The following EPG5 variants were observed in gnomAD, a reference collection of about 807,000 sequenced individuals.
EPG5 encodes the protein ectopic P granules protein 5 homolog.
In EPG5, 159 loss-of-function variants were observed where a neutral mutation model predicts 302.7. The ratio of observed to expected loss-of-function variants is 0.53; its 90% confidence interval spans 0.46 to 0.60. EPG5 has a LOEUF of 0.60. EPG5 is among the 20% of genes least tolerant of loss of function. The pLI, the probability that EPG5 is intolerant of heterozygous loss-of-function variation, is 0.00. For synonymous variants in EPG5, 1,158 were observed against 1,136.8 expected (o/e 1.02, Z -0.37); for missense variants, 2,896 against 3,092.4 (o/e 0.94, Z 1.51).
chr18:45,837,012 ACTGTGTTTAT>A, the EPG5 span: 2 of 1,260,070 alleles, frequency 1.6e-6, no homozygotes, highest in Non-Finnish European at 1.2e-6. Flanking sequence ...CCCGGGGTTA[ACTGTGTTTAT>A]CTGTAGGCTC....
intron 1 of EPG5, among the ~76,000 whole-genome samples, chr18:45,956,352 G>C (rs559373556): frequency 6.6e-6 from 1 of 152,294 alleles, no homozygotes; most frequent in South Asian, 2.1e-4. Flanking sequence ...AGTGTATTGC[G>C]GGACCTGGAT....
chr18:45,867,228 AC>A (rs1192023450), intron 37 of EPG5, among the ~76,000 whole-genome samples: 2 of 152,110 alleles, frequency 1.3e-5, no homozygotes. Flanking sequence ...AGTATCTGGA[AC>A]CCAGGTTCTT....
In EPG5 at chr18:45,917,734, C is replaced by G. The variant is rs750942783; in HGVS notation, c.3184G>C (p.Asp1062His). 1.9e-6 allele frequency: 3 copies of G among 1,614,114 alleles called. No individual in the cohort carries two copies. In the South Asian group the frequency reaches 3.3e-5, roughly 18 times the overall value. The change falls in exon 17 of 44, where the codon GAT becomes CAT. Residue 1062 changes from aspartate (D) to histidine (H), a missense_variant. Transcript: ENST00000282041. ...RHLRTVVHVL[D>H]KILPLFYPCQ... ...GGGTAAAATAAAGGCAGAATCTTAT[C>G]CAGGACATGAACCACTGTTCTCAAA...
At position 45,865,773 on chromosome 18, in the gene EPG5, A is replaced by AT. The variant is rs2048733387; in HGVS notation, c.6622-15_6622-14insA. 6.3e-7 allele frequency: 1 copy of AT among 1,597,240 alleles called. No individual in the cohort carries two copies. Among genetic ancestry groups the AT allele is most frequent in the Non-Finnish European group, 8.5e-7 (1 of 1,175,796 alleles). ...TGGAACTGCATCCTGACCAAAAAAA[A>AT]AAAAAAAAATCATTCAAATGAATCC... On this transcript the variant is annotated splice_polypyrimidine_tract_variant and intron_variant, in intron 38 of 43. Transcript: ENST00000282041.
intron 9 of EPG5, among the ~76,000 whole-genome samples, chr18:45,942,526 C>T (rs2050692749): frequency 7.3e-6 from 1 of 136,804 alleles, no homozygotes; most frequent in Non-Finnish European, 1.6e-5. Flanking sequence ...TTGCTTGAAC[C>T]CAGGAGGCGT....
At chr18:45,885,378 G>T (rs915386731) in intron 29 of EPG5, among the ~76,000 whole-genome samples, 1 of 151,920 alleles carries the variant, frequency 6.6e-6, no homozygotes, top group Non-Finnish European at 1.5e-5. Flanking sequence ...TATACTACAA[G>T]ACTTTTAAGA....
rs1383396807 is a variant in EPG5 at position 45,889,827 on chromosome 18, T to C, written c.4923A>G (p.Glu1641=). The change falls in exon 28 of 44, where the codon GAA becomes GAG. Residue 1641 remains glutamate, a synonymous_variant. Coordinates refer to ENST00000282041, the MANE Select transcript of EPG5 (RefSeq NM_020964.3). Reference sequence around the variant, plus strand: ...TCAAGTTTTCTGCATGTACAGCAGCTTCCACAATATTAAGTGATGGTGGTT... The same window carrying C: ...TCAAGTTTTCTGCATGTACAGCAGCCTCCACAATATTAAGTGATGGTGGTT... ...AAKPPSLNIV[E]AAVHAENLIT... 5 of 1,609,870 alleles carry C rather than the reference T, an allele frequency of 3.1e-6. No individual in the cohort carries two copies. In the African/African-American group the frequency reaches 6.7e-5, roughly 22 times the overall value.
At position 45,952,545 on chromosome 18, in the gene EPG5, A is replaced by C. The variant is rs750217075; in HGVS notation, c.1107T>G (p.Asp369Glu). ...NALVELKKLF[D>E]AKSEHLHQTL... ...TCTGGTGGAGGTGCTCAGATTTGGC[A>C]TCGAATAGCTTCTTTAGCTCCACCA... The change falls in exon 3 of 44, where the codon GAT (aspartate) becomes GAG (glutamate). Residue 369 changes from aspartate (D) to glutamate (E), a missense_variant. Transcript: ENST00000282041. The C allele has an allele frequency of 3.1e-6, 5 of 1,614,070 alleles. No homozygotes were observed. Among genetic ancestry groups the C allele is most frequent in the Non-Finnish European group, 4.2e-6 (5 of 1,180,034 alleles).
At chr18:45,942,847 G>A (rs1258469938) in intron 9 of EPG5, among the ~76,000 whole-genome samples, 1 of 152,144 alleles carries the variant, frequency 6.6e-6, no homozygotes, top group East Asian at 1.9e-4. Context: ...TAAGACAGCT[G>A]AAGCAGTAAG....
At chr18:45,950,292 T>G (rs895465763) in intron 4 of EPG5, among the ~76,000 whole-genome samples, 1 of 152,234 alleles carries the variant, frequency 6.6e-6, no homozygotes, top group Non-Finnish European at 1.5e-5. Flanking sequence ...AAATCTCAAC[T>G]TGAATTCTAT....
chr18:45,887,745 C>A lies in EPG5; in HGVS notation c.5109+6G>T, dbSNP rs767652682. ...TGATCAAGGCAAAAGGTACAGATAG[C>A]CTTACCTGTCCCAAGATCTCAATAC... On this transcript the variant is annotated splice_donor_region_variant and intron_variant, in intron 29 of 43. Coordinates refer to ENST00000282041, the MANE Select transcript of EPG5 (RefSeq NM_020964.3). 1.5e-5 allele frequency: 23 copies of A among 1,551,420 alleles called. No homozygotes were observed. Among genetic ancestry groups the A allele is most frequent in the Non-Finnish European group, 1.7e-5 (19 of 1,135,862 alleles).
At chr18:45,932,651 G>A (rs889190600) in intron 11 of EPG5, among the ~76,000 whole-genome samples, 1 of 152,140 alleles carries the variant, frequency 6.6e-6, no homozygotes, top group Non-Finnish European at 1.5e-5. Flanking sequence ...ATATATAAAA[G>A]ATTAAGCAAA....
intron 23 of EPG5, 126 bp from the exon 24 acceptor site, chr18:45,908,207 G>T: frequency 1.4e-6 from 1 of 703,666 alleles, no homozygotes. Context: ...CAGAAAATGT[G>T]GCCAACAACC....
intron 30 of EPG5, among the ~76,000 whole-genome samples, chr18:45,883,018 A>C (rs560010102): frequency 6.6e-5 from 10 of 151,822 alleles, no homozygotes; most frequent in African/African-American, 9.7e-5. Flanking sequence ...ACAACAAAAA[A>C]AAAAAAAAAA....
At chr18:45,840,190 C>T in the EPG5 span, 1 of 1,612,982 alleles carries the variant, frequency 6.2e-7, no homozygotes, top group Non-Finnish European at 8.5e-7. Context: ...CATGCCTGCT[C>T]TCTTGCTGTC....
Position 45,907,961 on chromosome 18 carries a change from C to T in EPG5, c.4326G>A (p.Gln1442=), listed in dbSNP as rs367887909. The T allele has an allele frequency of 5.4e-5, 84 of 1,557,522 alleles. No homozygotes were observed. The highest frequency in any genetic ancestry group is 7.1e-5 in the Non-Finnish European group (83 of 1,162,144). Residue 1442 remains glutamine, a synonymous_variant, in exon 24 of 44, where the codon CAG becomes CAA. Coordinates refer to ENST00000282041, the MANE Select transcript of EPG5 (RefSeq NM_020964.3). ...AAAAGGAGGGCTATAATTTCACCTGCTGATTCTGCATCACTTTTGCTAGCC... is the reference window on the plus strand; with the variant it reads ...AAAAGGAGGGCTATAATTTCACCTGTTGATTCTGCATCACTTTTGCTAGCC... ...IHRLAKVMQN[Q]QDLWMEYLNM...
At position 45,857,971 on chromosome 18, in the gene EPG5, A is replaced by G. The variant is rs764577859; in HGVS notation, c.7324T>C (p.Ser2442Pro). 9.9e-6 allele frequency: 16 copies of G among 1,613,674 alleles called. No homozygotes were observed. Among genetic ancestry groups the G allele is most frequent in the Non-Finnish European group, 1.4e-5 (16 of 1,180,018 alleles). Residue 2442 changes from serine to proline, a missense_variant, in exon 42 of 44, where the codon TCT becomes CCT. Physicochemically the swap from Ser to Pro is moderately conservative, Grantham distance 74. This residue lies in a region of EPG5 where 620 missense variants were observed against 704.2 expected (regional missense o/e 0.88). Transcript: ENST00000282041. Reference protein sequence around the residue: ...TEQNDSVLTESVIRILLLVQS... With the variant: ...TEQNDSVLTEPVIRILLLVQS... ...ACCAAGAGCAGAATTCGAATGACAG[A>G]TTCTGTCAGGACGGAGTCATTCTGC...
At chr18:45,858,220 T>A in intron 41 of EPG5, 152 bp from the exon 42 acceptor site, 1 of 642,802 alleles carries the variant, frequency 1.6e-6, no homozygotes, top group Non-Finnish European at 2.7e-6. Context: ...CATGGGATTG[T>A]AACCACCGCC....
intron 20 of EPG5, among the ~76,000 whole-genome samples, chr18:45,914,250 A>G (rs1333072195): frequency 6.6e-6 from 1 of 152,228 alleles, no homozygotes; most frequent in African/African-American, 2.4e-5. Flanking sequence ...GTGCTATATC[A>G]GAGAAGGTTC....
Sources: gnomAD v4.1 joint callset for allele counts (sites outside exome capture counted in the v4.1 genomes callset) on GRCh38, gnomAD v4.1.1 for gene constraint, gnomAD v4.1.1 regional missense constraint, MANE v1.5 for transcripts, NCBI Gene and HGNC (gene_info 2026-07-23, HGNC 2026-07-21) for gene names.